The following CEP128 variants were observed in gnomAD, a reference collection of about 807,000 sequenced individuals.
CEP128 encodes the protein centrosomal protein 128, also known as centrosomal protein 128kDa.
Under a neutral mutation model 156.7 loss-of-function variants are expected in CEP128, and 132 were observed. The observed-to-expected ratio is 0.84, with a 90% CI of 0.73 to 0.97. The LOEUF is 0.97. Ranked by LOEUF, CEP128 falls within the 50% of genes least tolerant of loss-of-function variation. CEP128 has a pLI of 0.00. For missense variants in CEP128, 1,252 were observed against 1,281.9 expected, an observed-to-expected ratio of 0.98 and a Z score of 0.36; for synonymous variants, 469 against 448.9, an observed-to-expected ratio of 1.04 and a Z score of -0.57.
chr14:80,823,784 C>G (rs1885323023), intron 13 of CEP128, among the ~76,000 whole-genome samples: 1 of 152,182 alleles, frequency 6.6e-6, no homozygotes. Flanking sequence ...GAGGCTTTTC[C>G]AGGTACACAG....
intron 21 of CEP128, among the ~76,000 whole-genome samples, chr14:80,544,216 A>C (rs1457797537): frequency 6.6e-6 from 1 of 152,202 alleles, no homozygotes; most frequent in East Asian, 1.9e-4. Context: ...ATAATTTTTC[A>C]TTAGCCATCT....
chr14:80,857,336 T>A (rs1301362827), intron 9 of CEP128, among the ~76,000 whole-genome samples: 1 of 151,496 alleles, frequency 6.6e-6, no homozygotes, highest in Non-Finnish European at 1.5e-5. Flanking sequence ...GTTATGATAC[T>A]ATCAAGCACC....
intron 19 of CEP128, among the ~76,000 whole-genome samples, chr14:80,673,608 T>G (rs1291290960): frequency 2.7e-5 from 3 of 110,598 alleles, no homozygotes; most frequent in Non-Finnish European, 5.0e-5. Flanking sequence ...ATCCCGCCAC[T>G]GCACTCCAGC....
At chr14:80,540,205 C>CCG (rs1555372599) in intron 21 of CEP128, among the ~76,000 whole-genome samples, 1,835 of 150,628 alleles carry the variant, frequency 0.012, 53 homozygotes, top group African/African-American at 0.043. Context: ...ACACCCCCCC[C>CCG]CCTTTTGAAA....
intron 19 of CEP128, among the ~76,000 whole-genome samples, chr14:80,632,137 C>T (rs1489390820): frequency 6.6e-6 from 1 of 152,006 alleles, no homozygotes; most frequent in Admixed American, 6.6e-5. Flanking sequence ...TAATAATTAA[C>T]ACAGAAGAGT....
chr14:80,673,518 C>G, intron 19 of CEP128, among the ~76,000 whole-genome samples: 1 of 144,110 alleles, frequency 6.9e-6, no homozygotes, highest in South Asian at 2.3e-4. Flanking sequence ...TAGTGGCGGG[C>G]GCCTGTAGTC....
chr14:80,521,024 G>A (rs1391281782), intron 23 of CEP128, among the ~76,000 whole-genome samples: 4 of 94,354 alleles, frequency 4.2e-5, no homozygotes, highest in South Asian at 3.1e-4. Context: ...TGTAATTTTC[G>A]TACAGAAAGG....
intron 19 of CEP128, among the ~76,000 whole-genome samples, chr14:80,678,382 G>C (rs1363584849): frequency 6.8e-6 from 1 of 147,670 alleles, no homozygotes; most frequent in Non-Finnish European, 1.5e-5. Flanking sequence ...AAAAAAAAAG[G>C]ACCCTAAATC....
chr14:80,954,378 A>G (rs1181086819), intron 2 of CEP128, among the ~76,000 whole-genome samples: 1 of 152,146 alleles, frequency 6.6e-6, no homozygotes, highest in African/African-American at 2.4e-5. Context: ...TTGTTTATCC[A>G]TTATCTAGTC....
At chr14:80,603,846 G>T (rs1487522037) in intron 19 of CEP128, among the ~76,000 whole-genome samples, 1 of 152,078 alleles carries the variant, frequency 6.6e-6, no homozygotes, top group Non-Finnish European at 1.5e-5. Context: ...ATTGTATTCT[G>T]CTCCAAAAAG....
intron 21 of CEP128, among the ~76,000 whole-genome samples, chr14:80,550,742 G>C (rs545220368): frequency 3.0e-4 from 45 of 148,354 alleles, no homozygotes; most frequent in Non-Finnish European, 4.9e-4. Context: ...CATTTTTATA[G>C]ACTGGATTAG....
intron 8 of CEP128, among the ~76,000 whole-genome samples, chr14:80,864,013 A>G (rs1309257647): frequency 1.3e-5 from 2 of 152,198 alleles, no homozygotes; most frequent in East Asian, 3.8e-4. Context: ...TGCCACTACC[A>G]CTGCTGAGAT....
At chr14:80,850,049 AGAGG>A (rs1371015703) in intron 9 of CEP128, among the ~76,000 whole-genome samples, 1 of 152,108 alleles carries the variant, frequency 6.6e-6, no homozygotes, top group Admixed American at 6.6e-5. Context: ...TTTCTTCCAT[AGAGG>A]GAGGGAGGGA....
chr14:80,599,316 A>G (rs1303712057), intron 19 of CEP128, among the ~76,000 whole-genome samples: 2 of 124,410 alleles, frequency 1.6e-5, no homozygotes, highest in Non-Finnish European at 3.1e-5. Flanking sequence ...TCTGTCACCC[A>G]GGCTGGAGTG....
At chr14:80,477,395 G>C (rs1886963328) in exon 15 of CEP128, 1 of 152,138 alleles carries the variant, frequency 6.6e-6, no homozygotes, top group Non-Finnish European at 1.5e-5. Flanking sequence ...AGTCCCTTGA[G>C]AAAAAGTTCC....
At chr14:80,538,117 CT>C (rs1351615094) in intron 21 of CEP128, among the ~76,000 whole-genome samples, 21 of 151,966 alleles carry the variant, frequency 1.4e-4, no homozygotes, top group African/African-American at 4.8e-4. Flanking sequence ...TGAATGTGAA[CT>C]GAAAAGTGTC....
intron 13 of CEP128, among the ~76,000 whole-genome samples, chr14:80,817,686 T>A (rs915430172): frequency 3.9e-5 from 6 of 152,170 alleles, no homozygotes; most frequent in African/African-American, 1.4e-4. Flanking sequence ...ATCAAGGCCA[T>A]CCTGGCCAAC....
chr14:80,829,274 T>C (rs1885652651), intron 13 of CEP128, among the ~76,000 whole-genome samples: 1 of 152,246 alleles, frequency 6.6e-6, no homozygotes, highest in Non-Finnish European at 1.5e-5. Context: ...TAGTTAATGC[T>C]AATGTCTTAC....
intron 16 of CEP128, among the ~76,000 whole-genome samples, chr14:80,769,860 C>G (rs1900429258): frequency 6.6e-6 from 1 of 152,088 alleles, no homozygotes; most frequent in South Asian, 2.1e-4. Context: ...CAAACCCAGA[C>G]ATTCACTTTA....
Sources: gnomAD v4.1 joint callset for allele counts (sites outside exome capture counted in the v4.1 genomes callset) on GRCh38, gnomAD v4.1.1 for gene constraint, MANE v1.5 for transcripts, NCBI Gene and HGNC (gene_info 2026-07-23, HGNC 2026-07-21) for gene names.